KLHL2: variants seen among roughly 807,000 people sequenced by gnomAD.
The protein encoded by KLHL2 is kelch like family member 2, also known as kelch-like protein 2.
KLHL2 carries 15 observed loss-of-function variants against 75.8 expected under a neutral mutation model. The ratio of observed to expected loss-of-function variants is 0.20; its 90% CI spans 0.13 to 0.30. KLHL2 has a LOEUF of 0.30. KLHL2 is among the 10% of genes least tolerant of loss of function. KLHL2 has a pLI of 1.00. For missense variants in KLHL2, 381 were observed against 741.0 expected (o/e 0.51, Z 5.64); for synonymous variants, 214 against 251.9 (o/e 0.85, Z 1.42).
At chr4:165,255,276 C>G (rs1382622720) in intron 4 of KLHL2, among the ~76,000 whole-genome samples, 1 of 152,144 alleles carries the variant, frequency 6.6e-6, no homozygotes, top group Admixed American at 6.5e-5. Context: ...CAGTTGTATT[C>G]TGCTTAAGAG....
chr4:165,207,797 G>T lies in KLHL2; in HGVS notation c.-80G>T. ...CGGATGGAACGCGGCTCGGCGGGCGGGCAGTGCCGGCGTCCGCGGCTGGAA... is the reference window on the plus strand; with the variant it reads ...CGGATGGAACGCGGCTCGGCGGGCGTGCAGTGCCGGCGTCCGCGGCTGGAA... On this transcript the variant is annotated 5_prime_UTR_variant, in exon 1 of 15. Coordinates refer to ENST00000226725, the MANE Select transcript of KLHL2 (RefSeq NM_007246.4). This position sits in a 1 kb window ranked among gnomAD's most constrained non-coding sequence, Gnocchi z 4.2. 3 of 1,265,546 alleles carry T rather than the reference G, an allele frequency of 2.4e-6. No homozygotes were observed. The highest frequency in any genetic ancestry group is 1.5e-5 in the South Asian group (1 of 67,512). 78.4% of individuals were successfully genotyped at this position (1,265,546 alleles called of 1,614,324 possible).
At chr4:165,248,878 T>G (rs557072188) in intron 4 of KLHL2, among the ~76,000 whole-genome samples, 2 of 152,326 alleles carry the variant, frequency 1.3e-5, no homozygotes, top group Non-Finnish European at 2.9e-5. Flanking sequence ...ACAGTAGAGA[T>G]GTAACTGAAT....
chr4:165,222,141 C>T (rs1738046579), intron 2 of KLHL2, among the ~76,000 whole-genome samples: 1 of 152,104 alleles, frequency 6.6e-6, no homozygotes, highest in African/African-American at 2.4e-5. Flanking sequence ...AAGGTAACAC[C>T]AAGTGCTCCT....
intron 3 of KLHL2, among the ~76,000 whole-genome samples, chr4:165,232,537 C>G (rs921594873): frequency 4.6e-5 from 7 of 151,934 alleles, no homozygotes; most frequent in Admixed American, 3.9e-4. Context: ...TCTAAACCAG[C>G]CTGGGAGAAA....
intron 2 of KLHL2, among the ~76,000 whole-genome samples, chr4:165,221,478 G>A (rs201841357): frequency 6.6e-6 from 1 of 152,178 alleles, no homozygotes; most frequent in African/African-American, 2.4e-5. Flanking sequence ...TGGCCTCATC[G>A]GAGGAACTGA....
At chr4:165,283,562 G>A (rs1213984464) in intron 5 of KLHL2, among the ~76,000 whole-genome samples, 1 of 152,226 alleles carries the variant, frequency 6.6e-6, no homozygotes, top group Non-Finnish European at 1.5e-5. Flanking sequence ...GATGCAAGAT[G>A]TAGGTTCCCA....
chr4:165,273,012 C>G (rs1228692414), intron 5 of KLHL2, among the ~76,000 whole-genome samples: 1 of 152,096 alleles, frequency 6.6e-6, no homozygotes, highest in African/African-American at 2.4e-5. Flanking sequence ...CTTGTATTTG[C>G]TTGAGTTTCT....
At chr4:165,291,849 A>G (rs1744538598) in intron 5 of KLHL2, among the ~76,000 whole-genome samples, 1 of 151,858 alleles carries the variant, frequency 6.6e-6, no homozygotes, top group Non-Finnish European at 1.5e-5. Context: ...TTTTTTAAAG[A>G]GACAAGCCGT....
At chr4:165,321,170 AAC>A (rs1746947663) in intron 14 of KLHL2, 1 of 445,570 alleles carries the variant, frequency 2.2e-6, no homozygotes, top group Non-Finnish European at 4.5e-6. Flanking sequence ...GACAGGAATT[AAC>A]AGTGTATTTC....
At chr4:165,255,614 C>A (rs141890812) in intron 4 of KLHL2, among the ~76,000 whole-genome samples, 1 of 152,264 alleles carries the variant, frequency 6.6e-6, no homozygotes, top group African/African-American at 2.4e-5. Flanking sequence ...CATACTTCTA[C>A]ATCTCAAAAC....
rs1195654547 is a variant in KLHL2, at chr4:165,245,327, G to A, written c.381+6428G>A. Among the ~76,000 whole-genome samples the A allele has an allele frequency of 4.6e-5, 7 of 152,298 alleles. 1 individual carries two copies. The highest frequency in any genetic ancestry group is 3.4e-3 in the Middle Eastern group (1 of 294). On this transcript the variant is annotated intron_variant, in intron 4 of 14. Transcript: ENST00000226725. ...CAGAGAACCTGGCCTCAGGACTTTCGTGGTGTTGGTAGTGGTGGTAGCATA... is the reference window on the plus strand; with the variant it reads ...CAGAGAACCTGGCCTCAGGACTTTCATGGTGTTGGTAGTGGTGGTAGCATA...
intron 5 of KLHL2, among the ~76,000 whole-genome samples, chr4:165,280,760 T>C (rs897322809): frequency 3.3e-5 from 5 of 152,234 alleles, no homozygotes; most frequent in Non-Finnish European, 7.3e-5. Context: ...ATGCAGTCTC[T>C]GCTATGCCTT....
chr4:165,279,957 A>G (rs1474911927), intron 5 of KLHL2, among the ~76,000 whole-genome samples: 3 of 152,176 alleles, frequency 2.0e-5, no homozygotes, highest in African/African-American at 7.2e-5. Context: ...CCCTGTGACT[A>G]TCATCTTCCC....
rs2110914158 is a variant in KLHL2 at position 165,207,670 on chromosome 4, G to C, written c.-207G>C. Reference sequence around the variant, plus strand: ...CCGCACTCGGGCGAGCGCGGGAGCCGCGCAGTAGACGGAGCGCGCCCGGCC... The same window carrying C: ...CCGCACTCGGGCGAGCGCGGGAGCCCCGCAGTAGACGGAGCGCGCCCGGCC... On this transcript the variant is annotated 5_prime_UTR_variant, in exon 1 of 15. Transcript: ENST00000226725. The surrounding 1 kb of genome is among the most constrained non-coding windows in gnomAD (Gnocchi z 4.2). 6.0e-6 allele frequency: 1 copy of C among 165,966 alleles called. No individual in the cohort carries two copies. Among genetic ancestry groups the C allele is most frequent in the East Asian group, 1.8e-4 (1 of 5,502 alleles). 10.3% of individuals were successfully genotyped at this position (165,966 alleles called of 1,614,324 possible).
chr4:165,257,496 G>T (rs575770830), intron 4 of KLHL2, among the ~76,000 whole-genome samples: 2 of 152,182 alleles, frequency 1.3e-5, no homozygotes, highest in Non-Finnish European at 2.9e-5. Flanking sequence ...CCAGAGAGAG[G>T]TATGGCCAGG....
intron 14 of KLHL2, chr4:165,321,510 T>A: frequency 6.3e-6 from 2 of 316,356 alleles, no homozygotes; most frequent in Non-Finnish European, 1.2e-5. Flanking sequence ...TATGTGTTAA[T>A]TGACTGTATC....
At chr4:165,316,117 T>C (rs977930106) in intron 13 of KLHL2, among the ~76,000 whole-genome samples, 34 of 152,142 alleles carry the variant, frequency 2.2e-4, no homozygotes, top group African/African-American at 8.2e-4. Context: ...GAATCTGGTG[T>C]TGTGAGTTAG....
intron 4 of KLHL2, among the ~76,000 whole-genome samples, chr4:165,245,293 G>A (rs1740173156): frequency 1.3e-5 from 2 of 152,198 alleles, no homozygotes. Context: ...AGGTCTGAAT[G>A]AGATGCTGCA....
chr4:165,294,310 G>C, intron 5 of KLHL2, 49 bp from the exon 6 acceptor site: 1 of 1,067,882 alleles, frequency 9.4e-7, no homozygotes, highest in South Asian at 1.3e-5. Context: ...TTGAAACTAT[G>C]ATAATGGAAT....
Sources: gnomAD v4.1 joint callset for allele counts (sites outside exome capture counted in the v4.1 genomes callset) on GRCh38, gnomAD v4.1.1 for gene constraint, Gnocchi (gnomAD v3.1) non-coding constraint, MANE v1.5 for transcripts, NCBI Gene and HGNC (gene_info 2026-07-23, HGNC 2026-07-21) for gene names.